CYRIB: variants seen among roughly 807,000 people sequenced by gnomAD.
CYRIB encodes the protein CYFIP-related Rac1 interactor B.
Under a neutral mutation model 44.2 loss-of-function variants are expected in CYRIB, and 8 were observed. The observed-to-expected ratio is 0.18, with a 90% CI of 0.11 to 0.33. The LOEUF is 0.33. Ranked by LOEUF, CYRIB falls within the 10% of genes least tolerant of loss-of-function variation. The probability of loss-of-function intolerance (pLI) is 1.00; values close to 1 mark genes in which losing one functional copy is unlikely to be tolerated. For missense variants in CYRIB, 185 were observed against 382.8 expected, an observed-to-expected ratio of 0.48 and a Z score of 4.31; for synonymous variants, 131 against 127.2, an observed-to-expected ratio of 1.03 and a Z score of -0.20.
Position 129,855,251 on chromosome 8 carries a change from C to T in CYRIB, c.438+360G>A, listed in dbSNP as rs1233353349. On this transcript the variant is annotated intron_variant, in intron 6 of 11. Coordinates refer to ENST00000519824, the Ensembl canonical transcript of CYRIB. ...ACTAAAAATACAAAAATTAGCCAGG[C>T]GTGGTGGCACATGCCTGTAATCCCA... Among the ~76,000 whole-genome samples the T allele has an allele frequency of 1.3e-5, 2 of 152,024 alleles. 1 individual carries two copies. The highest frequency in any genetic ancestry group is 4.2e-4 in the South Asian group (2 of 4,810).
At position 129,951,411 on chromosome 8, in the gene CYRIB, A is replaced by G. The variant is rs180804930; in HGVS notation, c.-243+19532T>C. On this transcript the variant is annotated intron_variant, in intron 2 of 14. Coordinates refer to the CYRIB transcript ENST00000401979. ...GACAACATACAACTGAGGACATAAG[A>G]AAATGGTAGAAACGGCCAGTTGCGG... Among the ~76,000 whole-genome samples the G allele has an allele frequency of 4.6e-4, 70 of 152,280 alleles. No individual in the cohort carries two copies. In the South Asian group the frequency reaches 0.01, roughly 22 times the overall value.
chr8:129,977,814 G>A (rs2096019187), intron 1 of CYRIB, among the ~76,000 whole-genome samples: 1 of 152,224 alleles, frequency 6.6e-6, no homozygotes, highest in Admixed American at 6.5e-5. Context: ...TTACAGGCGT[G>A]AGCCACTGCT....
intron 2 of CYRIB, among the ~76,000 whole-genome samples, chr8:129,886,003 T>A (rs1270584455): frequency 6.6e-6 from 1 of 152,186 alleles, no homozygotes; most frequent in Non-Finnish European, 1.5e-5. Flanking sequence ...TCTGTACCTG[T>A]TTTCCTGAAG....
intron 3 of CYRIB, among the ~76,000 whole-genome samples, chr8:129,878,422 G>A (rs1028397401): frequency 5.3e-5 from 8 of 151,942 alleles, no homozygotes; most frequent in African/African-American, 1.9e-4. Flanking sequence ...GACTTTCTGG[G>A]GTTTAAGTGA....
intron 2 of CYRIB, chr8:129,902,867 T>TA (rs563835641): frequency 2.0e-5 from 3 of 152,224 alleles, no homozygotes; most frequent in Non-Finnish European, 2.9e-5. Flanking sequence ...TCTTTGTTTC[T>TA]AAAAAATTTT....
chr8:129,912,579 T>A (rs2078588836), intron 1 of CYRIB: 1 of 151,784 alleles, frequency 6.6e-6, no homozygotes, highest in South Asian at 2.1e-4. Context: ...CACTCTGGGG[T>A]TGGGGGAAGG....
intron 1 of CYRIB, among the ~76,000 whole-genome samples, chr8:129,909,030 A>C (rs953078868): frequency 2.0e-5 from 3 of 152,118 alleles, no homozygotes; most frequent in Non-Finnish European, 4.4e-5. Context: ...AGCCTAAAGC[A>C]ATCCCCCCAT....
At chr8:129,961,260 C>G (rs769312661) in intron 2 of CYRIB, among the ~76,000 whole-genome samples, 1 of 152,172 alleles carries the variant, frequency 6.6e-6, no homozygotes, top group Admixed American at 6.5e-5. Flanking sequence ...TCAGCTAACC[C>G]TACTTCATTC....
At chr8:129,919,043 T>C (rs1010990613) in intron 1 of CYRIB, among the ~76,000 whole-genome samples, 5 of 152,232 alleles carry the variant, frequency 3.3e-5, no homozygotes, top group African/African-American at 7.2e-5. Flanking sequence ...ATTTTACTTA[T>C]TTTTTTAAGA....
intron 1 of CYRIB, among the ~76,000 whole-genome samples, chr8:130,008,082 G>A (rs544581508): frequency 9.2e-4 from 140 of 152,030 alleles, no homozygotes; most frequent in African/African-American, 3.2e-3. Flanking sequence ...GGTTGCGGGC[G>A]CCTGTAGTCC....
chr8:129,918,896 A>G (rs1274744781), intron 1 of CYRIB, among the ~76,000 whole-genome samples: 1 of 152,228 alleles, frequency 6.6e-6, no homozygotes, highest in Non-Finnish European at 1.5e-5. Context: ...GGAGAGGTCA[A>G]TGTATCGTTA....
chr8:129,849,590 G>A (rs2042176872), intron 9 of CYRIB: 1 of 388,090 alleles, frequency 2.6e-6, no homozygotes, highest in Non-Finnish European at 4.6e-6. Context: ...TCTTTAATGA[G>A]GTGATTCAAC....
At chr8:130,013,058 T>C (rs2097262065) in intron 1 of CYRIB, among the ~76,000 whole-genome samples, 1 of 152,148 alleles carries the variant, frequency 6.6e-6, no homozygotes, top group Non-Finnish European at 1.5e-5. Flanking sequence ...AAGCTCCAAT[T>C]CAAGCTAAAA....
At chr8:129,857,105 C>T (rs971958933) in intron 5 of CYRIB, among the ~76,000 whole-genome samples, 3 of 152,014 alleles carry the variant, frequency 2.0e-5, no homozygotes, top group Non-Finnish European at 2.9e-5. Flanking sequence ...AGCTATTATC[C>T]TTTTTTTTCC....
intron 2 of CYRIB, among the ~76,000 whole-genome samples, chr8:129,956,118 C>T (rs2094813343): frequency 1.3e-5 from 2 of 152,186 alleles, no homozygotes; most frequent in African/African-American, 2.4e-5. Flanking sequence ...CCTTCTCCAA[C>T]CACCTACAAA....
intron 4 of CYRIB, among the ~76,000 whole-genome samples, chr8:129,869,534 C>T (rs999150336): frequency 6.6e-6 from 1 of 152,142 alleles, no homozygotes; most frequent in Non-Finnish European, 1.5e-5. Flanking sequence ...CACTGATAAC[C>T]ATCATAAAAA....
At chr8:129,842,608 G>T (rs2037042403) in intron 11 of CYRIB, among the ~76,000 whole-genome samples, 1 of 151,940 alleles carries the variant, frequency 6.6e-6, no homozygotes, top group South Asian at 2.1e-4. Context: ...TTGGATGACT[G>T]GGGGGCAAAG....
At chr8:129,981,415 C>T (rs570914343) in intron 1 of CYRIB, among the ~76,000 whole-genome samples, 2 of 152,184 alleles carry the variant, frequency 1.3e-5, no homozygotes, top group African/African-American at 2.4e-5. Flanking sequence ...CCGCCCGAAG[C>T]GCTGTGATTA....
chr8:129,912,971 C>CTTTT (rs34861646), intron 1 of CYRIB, among the ~76,000 whole-genome samples: 3 of 124,116 alleles, frequency 2.4e-5, no homozygotes, highest in African/African-American at 3.0e-5. Context: ...ATCTGCTTCA[C>CTTTT]TTTTTTTTTT....
Sources: allele counts gnomAD v4.1 joint callset (sites outside exome capture counted in the v4.1 genomes callset), GRCh38; gene constraint gnomAD v4.1.1; transcripts MANE v1.5; gene names NCBI Gene and HGNC (gene_info 2026-07-23, HGNC 2026-07-21).